APBB2: variants seen among roughly 807,000 people sequenced by gnomAD.
APBB2 encodes amyloid beta precursor protein binding family B member 2, also known as Fe65-like 1.
Under a neutral mutation model 82.5 loss-of-function variants are expected in APBB2, and 38 were observed. The observed-to-expected ratio is 0.46, with a 90% CI of 0.36 to 0.60. The LOEUF is 0.60. APBB2 is among the 20% of genes least tolerant of loss of function. The pLI, the probability that APBB2 is intolerant of heterozygous loss-of-function variation, is 0.00. For missense variants in APBB2, 772 were observed against 972.3 expected (o/e 0.79, Z 2.74); for synonymous variants, 341 against 368.2 (o/e 0.93, Z 0.85).
chr4:40,815,888 A>C lies in APBB2; in HGVS notation c.*204T>G, dbSNP rs1745473001. On this transcript the variant is annotated 3_prime_UTR_variant, in exon 18 of 18. Transcript: ENST00000508593. ...CACTGCGCATGATGTAACTTACAGC[A>C]AAAAAAATTATTCATGCTTCTTTTC... 1 of 536,106 alleles carries C rather than the reference A, an allele frequency of 1.9e-6. No individual in the cohort carries two copies. Among genetic ancestry groups the C allele is most frequent in the Admixed American group, 3.3e-5 (1 of 30,486 alleles). The allele number at this position is 536,106 out of a possible 1,614,324, so 33.2% of individuals were successfully genotyped here.
At chr4:41,048,307 C>CA (rs1157448033) in intron 4 of APBB2, among the ~76,000 whole-genome samples, 2 of 152,134 alleles carry the variant, frequency 1.3e-5, no homozygotes, top group Admixed American at 6.5e-5. Flanking sequence ...GCAAACACTG[C>CA]AAAATCCAAA....
chr4:41,200,672 T>C (rs1018870300), intron 1 of APBB2, among the ~76,000 whole-genome samples: 1 of 152,168 alleles, frequency 6.6e-6, no homozygotes, highest in African/African-American at 2.4e-5. Context: ...CCTTTAAAAG[T>C]ATGTGTCACT....
rs367808855 is a variant in APBB2 at position 40,944,892 on chromosome 4, T to C, written c.1017A>G (p.Val339=). The part of the protein sequence containing the change: ...QGSRKGSLSS[V]TPSPTPENEK... Reference sequence around the variant, plus strand: ...CGTTCTCTGGGGTGGGAGATGGCGTTACAGAACTAAGTGACCCTTTCCTAG... The same window carrying C: ...CGTTCTCTGGGGTGGGAGATGGCGTCACAGAACTAAGTGACCCTTTCCTAG... Residue 339 remains valine, a synonymous_variant, in exon 7 of 18, where the codon GTA becomes GTG. Coordinates refer to ENST00000508593, the MANE Select transcript of APBB2 (RefSeq NM_004307.2). The C allele has an allele frequency of 6.2e-7, 1 of 1,613,168 alleles. No individual in the cohort carries two copies. Among genetic ancestry groups the C allele is most frequent in the Non-Finnish European group, 8.5e-7 (1 of 1,179,984 alleles).
intron 6 of APBB2, among the ~76,000 whole-genome samples, chr4:40,957,744 C>T (rs112744148): frequency 0.23 from 34,233 of 151,898 alleles, 3,979 homozygotes; most frequent in Middle Eastern, 0.26. Context: ...CCACCACGCC[C>T]GGCTAATTTT....
intron 12 of APBB2, among the ~76,000 whole-genome samples, chr4:40,862,924 C>T (rs1763124244): frequency 2.0e-5 from 3 of 151,730 alleles, no homozygotes; most frequent in African/African-American, 2.4e-5. Flanking sequence ...ACAGACTCCT[C>T]GCTTTTTTTA....
At chr4:41,204,668 G>A (rs988269816) in intron 1 of APBB2, among the ~76,000 whole-genome samples, 8 of 152,156 alleles carry the variant, frequency 5.3e-5, no homozygotes, top group Non-Finnish European at 8.8e-5. Context: ...CCAGAGCTCC[G>A]AGCAGGTAGA....
intron 10 of APBB2, among the ~76,000 whole-genome samples, chr4:40,917,336 GA>G (rs1780093184): frequency 1.3e-5 from 2 of 152,252 alleles, no homozygotes; most frequent in South Asian, 4.1e-4. Flanking sequence ...GCCCATCAAA[GA>G]AAGGGAAGTG....
intron 6 of APBB2, among the ~76,000 whole-genome samples, chr4:41,006,337 G>A (rs1390402003): frequency 6.6e-6 from 1 of 152,182 alleles, no homozygotes; most frequent in Non-Finnish European, 1.5e-5. Flanking sequence ...GTCGCATTAT[G>A]GAACTCTCAA....
intron 5 of APBB2, among the ~76,000 whole-genome samples, chr4:41,020,404 A>G (rs998286246): frequency 6.6e-6 from 1 of 152,234 alleles, no homozygotes; most frequent in African/African-American, 2.4e-5. Context: ...ATGGGTATTC[A>G]GTAAGTGATA....
chr4:40,998,117 C>A (rs1302511266), intron 6 of APBB2, among the ~76,000 whole-genome samples: 1 of 152,196 alleles, frequency 6.6e-6, no homozygotes, highest in Non-Finnish European at 1.5e-5. Flanking sequence ...TGGCAATGAT[C>A]AAATGCAAGC....
intron 13 of APBB2, among the ~76,000 whole-genome samples, chr4:40,828,892 T>G (rs1750882725): frequency 6.6e-6 from 1 of 152,170 alleles, no homozygotes; most frequent in Non-Finnish European, 1.5e-5. Context: ...TGTCCCTCCC[T>G]CAGGCACCAT....
chr4:40,953,606 G>C (rs1185970341), intron 6 of APBB2, among the ~76,000 whole-genome samples: 2 of 152,174 alleles, frequency 1.3e-5, no homozygotes, highest in Non-Finnish European at 1.5e-5. Flanking sequence ...TTCTGCTCCA[G>C]TAAATCCAGG....
At chr4:40,849,504 T>G (rs946789642) in intron 12 of APBB2, among the ~76,000 whole-genome samples, 1 of 152,170 alleles carries the variant, frequency 6.6e-6, no homozygotes, top group Non-Finnish European at 1.5e-5. Context: ...TCTTTATATT[T>G]GTACTCTTAA....
Position 40,891,936 on chromosome 4 carries a change from G to A in APBB2, c.1401+1329C>T, listed in dbSNP as rs940657137. ...GGTGGAGAATTTGGTGGGAAACATA[G>A]GCCTGGGTTTTGTTCTTTTTTTTTT... is the stretch of plus-strand genomic sequence containing the variant. On this transcript the variant is annotated intron_variant, in intron 11 of 17. Coordinates refer to ENST00000508593, the MANE Select transcript of APBB2 (RefSeq NM_004307.2). Among the ~76,000 whole-genome samples the A allele has an allele frequency of 1.3e-5, 2 of 151,762 alleles. 1 individual carries two copies. Among genetic ancestry groups the A allele is most frequent in the African/African-American group, 4.8e-5 (2 of 41,384 alleles).
intron 4 of APBB2, among the ~76,000 whole-genome samples, chr4:41,052,883 C>T (rs1348393528): frequency 6.6e-6 from 1 of 151,836 alleles, no homozygotes; most frequent in East Asian, 1.9e-4. Flanking sequence ...TCTGCCTCAG[C>T]CTCCTGAGTA....
At chr4:41,061,489 G>A (rs144317223) in intron 4 of APBB2, among the ~76,000 whole-genome samples, 8 of 152,248 alleles carry the variant, frequency 5.3e-5, no homozygotes, top group South Asian at 4.2e-4. Flanking sequence ...ACTGAATACC[G>A]CAGGCAAATG....
At chr4:41,033,024 C>T (rs1717598467) in intron 5 of APBB2, among the ~76,000 whole-genome samples, 1 of 151,868 alleles carries the variant, frequency 6.6e-6, no homozygotes, top group South Asian at 2.1e-4. Context: ...ACCTCGTGAT[C>T]CGCCGGTCTC....
At chr4:41,204,546 C>T (rs554399297) in intron 1 of APBB2, among the ~76,000 whole-genome samples, 1 of 152,302 alleles carries the variant, frequency 6.6e-6, no homozygotes, top group South Asian at 2.1e-4. Flanking sequence ...ACACACTCCC[C>T]ACACCCAAGC....
At chr4:41,150,083 A>G (rs1282679310) in intron 1 of APBB2, among the ~76,000 whole-genome samples, 1 of 152,090 alleles carries the variant, frequency 6.6e-6, no homozygotes. Context: ...ACTCTGCATC[A>G]TTTTTCAACT....
Sources: allele counts gnomAD v4.1 joint callset (sites outside exome capture counted in the v4.1 genomes callset), GRCh38; gene constraint gnomAD v4.1.1; transcripts MANE v1.5; gene names NCBI Gene and HGNC (gene_info 2026-07-23, HGNC 2026-07-21).